The following GPC5 variants were observed in gnomAD, a reference collection of about 807,000 sequenced individuals.
GPC5 encodes the protein glypican 5.
In GPC5, 47 loss-of-function variants were observed where a neutral mutation model predicts 53.9. The observed-to-expected ratio is 0.87, with a 90% confidence interval of 0.69 to 1.11. The LOEUF (loss-of-function observed/expected upper bound fraction) is 1.11, where lower values mean the gene tolerates loss of function less well. Ranked by LOEUF, GPC5 falls within the 50% of genes most tolerant of loss-of-function variation. The pLI is 0.00. For synonymous variants in GPC5, 286 were observed against 263.3 expected (o/e 1.09, Z -0.84); for missense variants, 748 against 713.1 (o/e 1.05, Z -0.56).
chr13:91,934,187 G>T (rs1360691275), intron 6 of GPC5, among the ~76,000 whole-genome samples: 1 of 151,874 alleles, frequency 6.6e-6, no homozygotes, highest in African/African-American at 2.4e-5. Context: ...TTCTAGGTCT[G>T]TACCAAAATG....
At chr13:91,418,899 A>G (rs1878416041) in intron 1 of GPC5, among the ~76,000 whole-genome samples, 2 of 151,884 alleles carry the variant, frequency 1.3e-5, no homozygotes, top group Admixed American at 1.3e-4. Flanking sequence ...TTGTAACAGG[A>G]ACCTGTTAAG....
At position 92,756,215 on chromosome 13, in the gene GPC5, G is replaced by A. The variant is rs1347195477; in HGVS notation, c.1562-110067G>A. On this transcript the variant is annotated intron_variant, in intron 7 of 7. Coordinates refer to ENST00000377067, the MANE Select transcript of GPC5 (RefSeq NM_004466.6). ...AAATGTAATCCAGCATATAAACAGA[G>A]CCAAAGACAAAAACCACATGATTAT... Among the ~76,000 whole-genome samples, 138 of 151,874 alleles carry A rather than the reference G, an allele frequency of 9.1e-4. 4 individuals carry two copies. The highest frequency in any genetic ancestry group is 3.3e-3 in the African/African-American group (135 of 41,442).
chr13:92,127,912 G>A (rs1287564828), intron 6 of GPC5, among the ~76,000 whole-genome samples: 1 of 152,222 alleles, frequency 6.6e-6, no homozygotes, highest in South Asian at 2.1e-4. Context: ...ACCAGGCCAG[G>A]AAATTATTGG....
intron 7 of GPC5, among the ~76,000 whole-genome samples, chr13:92,760,209 A>T (rs1180345279): frequency 1.3e-5 from 2 of 152,030 alleles, no homozygotes; most frequent in African/African-American, 2.4e-5. Context: ...ATTTGTTAGG[A>T]AGTATTTGCT....
At chr13:92,091,998 A>G (rs547343282) in intron 6 of GPC5, among the ~76,000 whole-genome samples, 4 of 152,342 alleles carry the variant, frequency 2.6e-5, no homozygotes, top group African/African-American at 9.6e-5. Flanking sequence ...TATTTGAGGT[A>G]TATATCTATA....
At chr13:91,636,363 G>A (rs1427556698) in intron 2 of GPC5, among the ~76,000 whole-genome samples, 1 of 150,366 alleles carries the variant, frequency 6.7e-6, no homozygotes, top group Non-Finnish European at 1.5e-5. Context: ...CATATATAGT[G>A]TATACACATT....
intron 6 of GPC5, among the ~76,000 whole-genome samples, chr13:92,088,473 T>C (rs1310434210): frequency 1.3e-5 from 2 of 151,974 alleles, no homozygotes; most frequent in East Asian, 3.9e-4. Flanking sequence ...CCCACTGGAG[T>C]TCTCTCACAT....
chr13:92,133,453 C>T (rs1463611241), intron 6 of GPC5, among the ~76,000 whole-genome samples: 1 of 152,090 alleles, frequency 6.6e-6, no homozygotes, highest in Non-Finnish European at 1.5e-5. Context: ...GCATAGCTGG[C>T]TAATGAAGGA....
chr13:92,445,261 C>CT (rs1555335678), intron 7 of GPC5, among the ~76,000 whole-genome samples: 117 of 138,522 alleles, frequency 8.4e-4, no homozygotes, highest in Middle Eastern at 3.7e-3. Context: ...CTCTCTCTCT[C>CT]TTTTTTTTTT....
At chr13:92,598,149 A>T (rs894667163) in intron 7 of GPC5, among the ~76,000 whole-genome samples, 23 of 152,186 alleles carry the variant, frequency 1.5e-4, no homozygotes, top group African/African-American at 4.6e-4. Flanking sequence ...GTGATGCATG[A>T]TATTTTATGA....
intron 5 of GPC5, among the ~76,000 whole-genome samples, chr13:91,880,665 T>C (rs987363767): frequency 6.6e-6 from 1 of 152,216 alleles, no homozygotes; most frequent in Non-Finnish European, 1.5e-5. Flanking sequence ...TGAAAATTAC[T>C]TTTTATATAT....
At position 91,771,130 on chromosome 13, in the gene GPC5, A is replaced by G. The variant is rs1337126061; in HGVS notation, c.1280+14710A>G. ...ATACTTCCTCAAATGAATTAGGAAA[A>G]TGCCAAAAATCTGATAGAAAATTAG... On this transcript the variant is annotated intron_variant, in intron 5 of 7. Coordinates refer to ENST00000377067, the MANE Select transcript of GPC5 (RefSeq NM_004466.6). Among the ~76,000 whole-genome samples the G allele has an allele frequency of 4.6e-5, 7 of 152,214 alleles. No homozygotes were observed. The East Asian group carries it at 1.2e-3, about 25-fold the overall frequency.
At position 91,519,120 on chromosome 13, in the gene GPC5, T is replaced by C. The variant is rs573066592; in HGVS notation, c.325+70198T>C. Reference sequence around the variant, plus strand: ...TTGTTTCCTTTTTTTCTGGAAGCAATTGGCCTATTGAAAGTAATTAGTGAC... The same window carrying C: ...TTGTTTCCTTTTTTTCTGGAAGCAACTGGCCTATTGAAAGTAATTAGTGAC... On this transcript the variant is annotated intron_variant, in intron 2 of 7. Transcript: ENST00000377067. 3.3e-5 allele frequency among the ~76,000 whole-genome samples: 5 copies of C among 152,286 alleles called. No homozygotes were observed. The East Asian group carries it at 9.7e-4, about 29-fold the overall frequency.
At chr13:92,233,326 AT>A (rs1207707167) in intron 7 of GPC5, among the ~76,000 whole-genome samples, 5 of 152,256 alleles carry the variant, frequency 3.3e-5, no homozygotes, top group African/African-American at 1.2e-4. Flanking sequence ...AGTTTTCAGC[AT>A]TTCACACTTT....
At chr13:92,071,987 T>A (rs1212262754) in intron 6 of GPC5, among the ~76,000 whole-genome samples, 1 of 146,332 alleles carries the variant, frequency 6.8e-6, no homozygotes, top group African/African-American at 2.5e-5. Context: ...AATATGTATA[T>A]ATTATTTATA....
At chr13:92,728,523 C>A (rs576681042) in intron 7 of GPC5, among the ~76,000 whole-genome samples, 2 of 151,294 alleles carry the variant, frequency 1.3e-5, no homozygotes, top group Non-Finnish European at 3.0e-5. Flanking sequence ...ACGCATCCAA[C>A]ATGAAAAACA....
chr13:92,556,238 A>C lies in GPC5; in HGVS notation c.1562-310044A>C, dbSNP rs188486370. On this transcript the variant is annotated intron_variant, in intron 7 of 7. Transcript: ENST00000377067. ...CATTCATGCCATCACCCTGTAAAAC[A>C]ATGTATACATCTGCCAACTTATTTA... 4.6e-5 allele frequency among the ~76,000 whole-genome samples: 7 copies of C among 151,900 alleles called. No homozygotes were observed. In the East Asian group the frequency reaches 9.7e-4, roughly 21 times the overall value.
chr13:91,446,344 G>C (rs573393733), intron 1 of GPC5, among the ~76,000 whole-genome samples: 59 of 152,230 alleles, frequency 3.9e-4, no homozygotes, highest in African/African-American at 1.3e-3. Context: ...CCACAATTCT[G>C]GTTGAAGTCT....
chr13:92,495,322 C>T (rs1178278551), intron 7 of GPC5, among the ~76,000 whole-genome samples: 2 of 152,140 alleles, frequency 1.3e-5, no homozygotes. Flanking sequence ...TAAATCTCAG[C>T]TTTGCTTTCT....
Sources: gnomAD v4.1 joint callset for allele counts (sites outside exome capture counted in the v4.1 genomes callset) on GRCh38, gnomAD v4.1.1 for gene constraint, MANE v1.5 for transcripts, NCBI Gene and HGNC (gene_info 2026-07-23, HGNC 2026-07-21) for gene names.